Variants in DLGAP1 observed in about 807,000 individuals in gnomAD.
DLGAP1 encodes DLG associated protein 1.
A neutral mutation model predicts 90.8 loss-of-function variants in DLGAP1; 11 were observed. That is an observed-to-expected ratio of 0.12 (90% confidence interval 0.08 to 0.20). DLGAP1 has a LOEUF of 0.20. Among genes scored for constraint, DLGAP1 ranks in the 10% least tolerant of loss-of-function variants. The probability of loss-of-function intolerance (pLI) is 1.00; values close to 1 mark genes in which losing one functional copy is unlikely to be tolerated. For missense variants in DLGAP1, 1,050 were observed against 1,333.8 expected (o/e 0.79, Z 3.31); for synonymous variants, 558 against 540.7 (o/e 1.03, Z -0.44).
At position 4,454,282 on chromosome 18, in the gene DLGAP1, T is replaced by C. The variant is rs1205330670; in HGVS notation, c.-267+724A>G. 6.6e-6 allele frequency among the ~76,000 whole-genome samples: 1 copy of C among 152,162 alleles called. No individual in the cohort carries two copies. The highest frequency in any genetic ancestry group is 1.9e-4 in the East Asian group (1 of 5,164). On this transcript the variant is annotated intron_variant, in intron 1 of 12. Coordinates refer to ENST00000315677, the MANE Select transcript of DLGAP1 (RefSeq NM_004746.4). This position sits in a 1 kb window ranked among gnomAD's most constrained non-coding sequence, Gnocchi z 4.7. Reference sequence around the variant, plus strand: ...AGGAGAGGTCCCTGTTTGGCCTTGGTTCCAGCCCGGCTCATTCAATTCGCT... The same window carrying C: ...AGGAGAGGTCCCTGTTTGGCCTTGGCTCCAGCCCGGCTCATTCAATTCGCT...
chr18:4,276,091 G>T (rs1341320818), intron 1 of DLGAP1, among the ~76,000 whole-genome samples: 3 of 137,656 alleles, frequency 2.2e-5, no homozygotes, highest in Non-Finnish European at 4.7e-5. Context: ...TGGGCTGAAT[G>T]ATAGTTTTGT....
At chr18:4,265,054 C>T (rs1350956914) in intron 1 of DLGAP1, among the ~76,000 whole-genome samples, 1 of 152,044 alleles carries the variant, frequency 6.6e-6, no homozygotes, top group Non-Finnish European at 1.5e-5. Flanking sequence ...AATTCTTTCT[C>T]TCAAATAATG....
intron 1 of DLGAP1, among the ~76,000 whole-genome samples, chr18:4,241,400 G>A (rs1433542619): frequency 6.6e-6 from 1 of 152,162 alleles, no homozygotes; most frequent in Non-Finnish European, 1.5e-5. Context: ...GAACCAGTCT[G>A]TGAATTTTCA....
intron 7 of DLGAP1, among the ~76,000 whole-genome samples, chr18:3,633,011 G>A (rs74358590): frequency 0.028 from 4,241 of 152,222 alleles, 70 homozygotes; most frequent in Admixed American, 0.062. Context: ...TTTTTGGGGT[G>A]CCAGGTTTAT....
chr18:4,115,612 A>T (rs2076051082), intron 2 of DLGAP1, among the ~76,000 whole-genome samples: 1 of 152,012 alleles, frequency 6.6e-6, no homozygotes, highest in African/African-American at 2.4e-5. Context: ...CAGCCTCCGG[A>T]GTAGCTGGGA....
intron 1 of DLGAP1, among the ~76,000 whole-genome samples, chr18:4,285,348 T>C (rs2079661474): frequency 1.3e-5 from 2 of 152,148 alleles, no homozygotes. Flanking sequence ...AGAAATGAAC[T>C]AGTTAAAAAC....
At chr18:3,812,831 C>T (rs779523735) in intron 5 of DLGAP1, among the ~76,000 whole-genome samples, 52 of 152,132 alleles carry the variant, frequency 3.4e-4, no homozygotes, top group Non-Finnish European at 6.6e-4. Context: ...GTTTGTTTTC[C>T]TTAACTCGAC....
intron 5 of DLGAP1, among the ~76,000 whole-genome samples, chr18:3,755,067 A>G (rs892419048): frequency 6.6e-6 from 1 of 152,164 alleles, no homozygotes; most frequent in Non-Finnish European, 1.5e-5. Flanking sequence ...CTACTATAAT[A>G]ATATTGATTT....
At chr18:4,020,223 C>T (rs1001721518) in intron 2 of DLGAP1, among the ~76,000 whole-genome samples, 2 of 152,106 alleles carry the variant, frequency 1.3e-5, no homozygotes, top group African/African-American at 4.8e-5. Context: ...TGTCCAACCC[C>T]CGACTTCCTG....
rs1199159676 is a variant in DLGAP1 at position 3,926,419 on chromosome 18, TATAC to T, written c.-72-46283_-72-46280del. Among the ~76,000 whole-genome samples the T allele has an allele frequency of 3.3e-3, 405 of 122,384 alleles. 3 individuals carry two copies. Among genetic ancestry groups the T allele is most frequent in the African/African-American group, 5.6e-3 (191 of 34,388 alleles). 80.3% of individuals were successfully genotyped at this position (122,384 alleles called of 152,430 possible). ...CAAATGACATATATATATATATATA[TATAC>T]ACACACACACACACACACACACATG... is the stretch of plus-strand genomic sequence containing the variant. On this transcript the variant is annotated intron_variant, in intron 3 of 12. Transcript: ENST00000315677.
Position 3,775,280 on chromosome 18 carries a change from G to C in DLGAP1, c.1173-32768C>G, listed in dbSNP as rs1023410109. ...GCACATCGATATGGTTTGGCTTTGT[G>C]TCCCCACACAAATCTCATGTCAAAT... On this transcript the variant is annotated intron_variant, in intron 5 of 12. Coordinates refer to ENST00000315677, the MANE Select transcript of DLGAP1 (RefSeq NM_004746.4). The surrounding 1 kb of genome is among the most constrained non-coding windows in gnomAD (Gnocchi z 4.9). Among the ~76,000 whole-genome samples the C allele has an allele frequency of 5.3e-5, 8 of 152,304 alleles. No homozygotes were observed. In the South Asian group the frequency reaches 1.7e-3, roughly 32 times the overall value.
intron 2 of DLGAP1, among the ~76,000 whole-genome samples, chr18:4,055,436 T>C (rs1442375): frequency 1 from 152,303 of 152,312 alleles, 76,147 homozygotes; most frequent in Middle Eastern, 1. Flanking sequence ...TGTCCTCCCA[T>C]GCTCCACCCT....
Position 4,043,043 on chromosome 18 carries a change from T to C in DLGAP1, c.-158-37842A>G, listed in dbSNP as rs1017759171. Among the ~76,000 whole-genome samples, 5 of 152,262 alleles carry C rather than the reference T, an allele frequency of 3.3e-5. No individual in the cohort carries two copies. The East Asian group carries it at 9.6e-4, about 29-fold the overall frequency. The stretch of plus-strand genomic sequence containing the variant: ...CAACCACTAAAAAATGTTTTTGTAT[T>C]TGTCCTCAGACGTAATTTAGGTTTT... On this transcript the variant is annotated intron_variant, in intron 2 of 12. Transcript: ENST00000315677.
chr18:4,085,234 T>C (rs894220153), intron 2 of DLGAP1, among the ~76,000 whole-genome samples: 2 of 152,148 alleles, frequency 1.3e-5, no homozygotes, highest in African/African-American at 4.8e-5. Context: ...AGCTAATTAT[T>C]TACTGCACAG....
At chr18:4,105,652 G>A (rs115001478) in intron 2 of DLGAP1, among the ~76,000 whole-genome samples, 2,528 of 152,306 alleles carry the variant, frequency 0.017, 55 homozygotes, top group African/African-American at 0.055. Context: ...GCTATTTAAA[G>A]TAATTTAAAT....
chr18:3,880,002 G>C lies in DLGAP1; in HGVS notation c.67C>G (p.Leu23Val). Residue 23 changes from leucine to valine, a missense_variant, in exon 4 of 13, where the codon CTG becomes GTG. Physicochemically the swap from Leu to Val is conservative, Grantham distance 32. Transcript: ENST00000315677. ...GVTCDSACDS[L>V]SHHSDRKPYL... Reference sequence around the variant, plus strand: ...GGCTTGCGGTCGGAGTGGTGCGACAGCGAGTCACAGGCCGAGTCGCAGGTG... The same window carrying C: ...GGCTTGCGGTCGGAGTGGTGCGACACCGAGTCACAGGCCGAGTCGCAGGTG... 6.2e-7 allele frequency: 1 copy of C among 1,610,622 alleles called. No individual in the cohort carries two copies. The highest frequency in any genetic ancestry group is 8.5e-7 in the Non-Finnish European group (1 of 1,179,910).
At chr18:4,211,572 A>G (rs545807342) in intron 1 of DLGAP1, among the ~76,000 whole-genome samples, 1 of 152,240 alleles carries the variant, frequency 6.6e-6, no homozygotes, top group Non-Finnish European at 1.5e-5. Context: ...CCTCAGTGGA[A>G]TATCCTAGGG....
intron 1 of DLGAP1, among the ~76,000 whole-genome samples, chr18:4,192,124 A>G (rs2077412267): frequency 6.6e-6 from 1 of 152,146 alleles, no homozygotes; most frequent in Non-Finnish European, 1.5e-5. Flanking sequence ...TCTCCTGATC[A>G]TAAAAAACGC....
At chr18:4,422,807 A>C (rs1048382126) in intron 1 of DLGAP1, among the ~76,000 whole-genome samples, 1 of 152,108 alleles carries the variant, frequency 6.6e-6, no homozygotes, top group Non-Finnish European at 1.5e-5. Flanking sequence ...ATTATATTTA[A>C]GAAAAAGCGA....
Sources: allele counts gnomAD v4.1 joint callset (sites outside exome capture counted in the v4.1 genomes callset), GRCh38; gene constraint gnomAD v4.1.1; non-coding constraint Gnocchi (gnomAD v3.1); transcripts MANE v1.5; gene names NCBI Gene and HGNC (gene_info 2026-07-23, HGNC 2026-07-21).